The following SEPTIN10 variants were observed in gnomAD, a reference collection of about 807,000 sequenced individuals.
SEPTIN10 encodes septin-10.
Under a neutral mutation model 54.8 loss-of-function variants are expected in SEPTIN10, and 66 were observed. The observed-to-expected ratio is 1.21, with a 90% CI of 0.99 to 1.48. SEPTIN10 has a LOEUF of 1.48. Among genes scored for constraint, SEPTIN10 ranks in the 40% most tolerant of loss-of-function variants. The pLI is 0.00. For synonymous variants in SEPTIN10, 161 were observed against 181.0 expected (o/e 0.89, Z 0.89); for missense variants, 620 against 545.6 (o/e 1.14, Z -1.36).
chr2:109,582,515 T>C (rs1480922376), intron 4 of SEPTIN10, among the ~76,000 whole-genome samples: 1 of 151,944 alleles, frequency 6.6e-6, no homozygotes, highest in Non-Finnish European at 1.5e-5. Flanking sequence ...AGAGACGAGG[T>C]CCCACCATGT....
intron 5 of SEPTIN10, among the ~76,000 whole-genome samples, chr2:109,570,914 T>C (rs1436597865): frequency 6.6e-6 from 1 of 152,198 alleles, no homozygotes; most frequent in African/African-American, 2.4e-5. Context: ...GGCTTAACCA[T>C]GGCGACATGG....
intron 5 of SEPTIN10, among the ~76,000 whole-genome samples, chr2:109,574,080 G>A (rs1268429809): frequency 6.6e-6 from 1 of 152,000 alleles, no homozygotes; most frequent in Non-Finnish European, 1.5e-5. Context: ...TTCCTTCTTT[G>A]CATCTCATCT....
At chr2:109,611,575 T>G (rs1039300066) in intron 1 of SEPTIN10, among the ~76,000 whole-genome samples, 11 of 151,066 alleles carry the variant, frequency 7.3e-5, no homozygotes, top group African/African-American at 2.7e-4. Context: ...CTGGGCAACA[T>G]GGTCACACCC....
chr2:109,574,443 TAAAAAAAAAAAA>T (rs55980206), intron 5 of SEPTIN10, 126 bp downstream of exon 5: 1 of 269,332 alleles, frequency 3.7e-6, no homozygotes, highest in Non-Finnish European at 5.8e-6. Context: ...ACTTTATCTC[TAAAAAAAAAAAA>T]AAAAAAAAAA....
rs202055528 is a variant in SEPTIN10 at position 109,574,709 on chromosome 2, G to T, written c.472C>A (p.Leu158Met). ...GTAAAGAGAGAACGCTTAATCTTCA[G>T]TTCTTCTTGGAGATAGGCCTCAAAC... ...AQFEAYLQEE[L>M]KIKRSLFTYH... The change falls in exon 5 of 11, where the codon CTG (leucine) becomes ATG (methionine). Residue 158 changes from leucine to methionine, a missense_variant. Transcript: ENST00000397712. 6.8e-6 allele frequency: 11 copies of T among 1,606,538 alleles called. No homozygotes were observed. Among genetic ancestry groups the T allele is most frequent in the Non-Finnish European group, 9.3e-6 (11 of 1,176,554 alleles).
chr2:109,613,869 G>T lies in SEPTIN10; in HGVS notation c.-42C>A. On this transcript the variant is annotated 5_prime_UTR_variant, in exon 1 of 11. Transcript: ENST00000397712. The stretch of plus-strand genomic sequence containing the variant: ...ACGGTGAAGCGGCTGTATCAGCCCG[G>T]CCCCGAGCGGCTGGTCCCGGCGACG... 1 of 1,230,844 alleles carries T rather than the reference G, an allele frequency of 8.1e-7. No individual in the cohort carries two copies. The highest frequency in any genetic ancestry group is 1.0e-6 in the Non-Finnish European group (1 of 987,772). 76.2% of individuals were successfully genotyped at this position (1,230,844 alleles called of 1,614,324 possible).
At position 109,602,567 on chromosome 2, in the gene SEPTIN10, C is replaced by T. The variant is rs1044478355; in HGVS notation, c.31-9448G>A. On this transcript the variant is annotated intron_variant, in intron 1 of 10. Transcript: ENST00000397712. ...GCGCATGCCTATAATCCCAGCTACT[C>T]GGGAGGGTGAGGCAGGAGAATCGCT... 7.9e-5 allele frequency among the ~76,000 whole-genome samples: 12 copies of T among 151,226 alleles called. No individual in the cohort carries two copies. The East Asian group carries it at 1.2e-3, about 15-fold the overall frequency.
Position 109,607,011 on chromosome 2 carries a change from C to G in SEPTIN10, c.30+6787G>C, listed in dbSNP as rs538175820. ...AGGCTTCTCATGTTATTTTAAGTTT[C>G]AGCATATAAACAGTGTCAGACAGTG... On this transcript the variant is annotated intron_variant, in intron 1 of 10. Coordinates refer to ENST00000397712, the MANE Select transcript of SEPTIN10 (RefSeq NM_144710.5). Among the ~76,000 whole-genome samples, 6 of 152,286 alleles carry G rather than the reference C, an allele frequency of 3.9e-5. 1 individual carries two copies. The highest frequency in any genetic ancestry group is 1.4e-4 in the African/African-American group (6 of 41,546).
At position 109,547,013 on chromosome 2, in the gene SEPTIN10, TAAA is replaced by T. The variant is rs1350926239; in HGVS notation, c.1162-779_1162-777del. ...GCTCTCTGACCTCCCTTTAGGCGCC[TAAA>T]GGCAGGATACAGATGTACAAAGAAA... On this transcript the variant is annotated intron_variant, in intron 9 of 10. Coordinates refer to ENST00000397712, the MANE Select transcript of SEPTIN10 (RefSeq NM_144710.5). Among the ~76,000 whole-genome samples, 15 of 152,300 alleles carry T rather than the reference TAAA, an allele frequency of 9.8e-5. No homozygotes were observed. The South Asian group carries it at 2.5e-3, about 25-fold the overall frequency.
intron 9 of SEPTIN10, among the ~76,000 whole-genome samples, chr2:109,546,988 G>A (rs998270075): frequency 2.0e-5 from 3 of 152,156 alleles, no homozygotes; most frequent in African/African-American, 7.2e-5. Flanking sequence ...ATACAGGAAA[G>A]CTCTCTGACC....
At chr2:109,579,193 T>C (rs1019148442) in intron 4 of SEPTIN10, among the ~76,000 whole-genome samples, 1 of 152,136 alleles carries the variant, frequency 6.6e-6, no homozygotes, top group Non-Finnish European at 1.5e-5. Context: ...ATGGACAGAT[T>C]CCTGGAAAAT....
intron 9 of SEPTIN10, among the ~76,000 whole-genome samples, chr2:109,551,786 A>G (rs1177093879): frequency 6.6e-6 from 1 of 152,278 alleles, no homozygotes; most frequent in Non-Finnish European, 1.5e-5. Flanking sequence ...CAATTGGATT[A>G]CAGATTAACT....
intron 5 of SEPTIN10, among the ~76,000 whole-genome samples, chr2:109,569,086 C>CGAT (rs1421407485): frequency 6.6e-6 from 1 of 152,092 alleles, no homozygotes; most frequent in Non-Finnish European, 1.5e-5. Context: ...TCAGGCTAAT[C>CGAT]AGTCATATGT....
At chr2:109,571,313 T>A (rs571600224) in intron 5 of SEPTIN10, among the ~76,000 whole-genome samples, 4 of 152,194 alleles carry the variant, frequency 2.6e-5, no homozygotes, top group Non-Finnish European at 5.9e-5. Context: ...AGAAATGCGA[T>A]AGAAATATGA....
At chr2:109,582,527 G>A (rs1233991154) in intron 4 of SEPTIN10, among the ~76,000 whole-genome samples, 1 of 152,046 alleles carries the variant, frequency 6.6e-6, no homozygotes, top group Non-Finnish European at 1.5e-5. Flanking sequence ...CCACCATGTT[G>A]CCCAGGCTAG....
intron 1 of SEPTIN10, chr2:109,594,866 G>A (rs183577308): frequency 1.2e-4 from 18 of 152,012 alleles, no homozygotes; most frequent in Admixed American, 5.9e-4. Context: ...GGCTGACCTT[G>A]TGACTGAACA....
At chr2:109,613,038 A>G in intron 1 of SEPTIN10, 1 of 546,840 alleles carries the variant, frequency 1.8e-6, no homozygotes, top group South Asian at 1.5e-5. Context: ...TACTATCAAA[A>G]ATTAAAAGGG....
At chr2:109,545,498 G>A in intron 10 of SEPTIN10, 2 of 1,536,078 alleles carry the variant, frequency 1.3e-6, no homozygotes, top group South Asian at 2.4e-5. Context: ...GGTTTCACAA[G>A]CTCTGACATC....
At chr2:109,548,058 G>C (rs180688596) in intron 9 of SEPTIN10, among the ~76,000 whole-genome samples, 33 of 152,236 alleles carry the variant, frequency 2.2e-4, no homozygotes, top group African/African-American at 7.2e-4. Flanking sequence ...TCTAAAAGAT[G>C]TAGAAGAACT....
Sources: gnomAD v4.1 joint callset for allele counts (sites outside exome capture counted in the v4.1 genomes callset) on GRCh38, gnomAD v4.1.1 for gene constraint, MANE v1.5 for transcripts, NCBI Gene and HGNC (gene_info 2026-07-23, HGNC 2026-07-21) for gene names.